Variants in SPAG16 observed in about 807,000 individuals in gnomAD.
SPAG16 encodes sperm associated antigen 16.
Under a neutral mutation model 80.4 loss-of-function variants are expected in SPAG16, and 86 were observed. The observed-to-expected ratio is 1.07, with a 90% confidence interval of 0.90 to 1.28. The LOEUF (loss-of-function observed/expected upper bound fraction) is 1.28. SPAG16 is among the 50% of genes most tolerant of loss of function. SPAG16 has a pLI of 0.00. For synonymous variants in SPAG16, 294 were observed against 265.9 expected, an observed-to-expected ratio of 1.11 and a Z score of -1.03; for missense variants, 870 against 765.3, an observed-to-expected ratio of 1.14 and a Z score of -1.61.
At chr2:213,739,774 G>C (rs143175004) in intron 10 of SPAG16, among the ~76,000 whole-genome samples, 3,677 of 152,082 alleles carry the variant, frequency 0.024, 150 homozygotes, top group African/African-American at 0.083. Context: ...GCTAATTTTT[G>C]TGTTTTTAGT....
chr2:214,048,472 A>G (rs544678446), intron 13 of SPAG16, among the ~76,000 whole-genome samples: 1 of 152,254 alleles, frequency 6.6e-6, no homozygotes, highest in South Asian at 2.1e-4. Context: ...GACAAACTGC[A>G]TGTTCTCACT....
At chr2:213,920,388 A>T (rs922429119) in intron 11 of SPAG16, among the ~76,000 whole-genome samples, 3 of 152,162 alleles carry the variant, frequency 2.0e-5, no homozygotes, top group Admixed American at 1.3e-4. Flanking sequence ...TGGTCTGTAT[A>T]CTGGCAGGTT....
chr2:213,707,165 A>G (rs1391361454), intron 10 of SPAG16, among the ~76,000 whole-genome samples: 1 of 152,240 alleles, frequency 6.6e-6, no homozygotes, highest in East Asian at 1.9e-4. Context: ...TTGAAGGCTT[A>G]ATATCACAGT....
At chr2:214,361,866 A>G (rs933669475) in intron 15 of SPAG16, among the ~76,000 whole-genome samples, 1 of 151,908 alleles carries the variant, frequency 6.6e-6, no homozygotes, top group Non-Finnish European at 1.5e-5. Context: ...ATATTTCACA[A>G]AGAGATAATT....
At chr2:213,660,492 C>T (rs1268587198) in intron 10 of SPAG16, among the ~76,000 whole-genome samples, 1 of 152,046 alleles carries the variant, frequency 6.6e-6, no homozygotes, top group East Asian at 1.9e-4. Context: ...GCATGTCTGA[C>T]ATAATGTAAA....
At chr2:213,848,532 G>A (rs143972867) in intron 10 of SPAG16, among the ~76,000 whole-genome samples, 14 of 152,216 alleles carry the variant, frequency 9.2e-5, no homozygotes, top group African/African-American at 1.7e-4. Context: ...TGAATTGGCC[G>A]CCCAATCCTT....
At chr2:213,704,200 G>C (rs2065636672) in intron 10 of SPAG16, among the ~76,000 whole-genome samples, 1 of 152,120 alleles carries the variant, frequency 6.6e-6, no homozygotes. Flanking sequence ...ATTCTGTCAG[G>C]ATTTTGAAAT....
At chr2:213,759,032 A>T (rs1471726599) in intron 10 of SPAG16, among the ~76,000 whole-genome samples, 1 of 152,200 alleles carries the variant, frequency 6.6e-6, no homozygotes, top group Non-Finnish European at 1.5e-5. Context: ...AAAGAAAAAC[A>T]AAAACAGAAA....
chr2:214,233,123 A>C (rs1688813390), intron 15 of SPAG16, among the ~76,000 whole-genome samples: 1 of 151,976 alleles, frequency 6.6e-6, no homozygotes, highest in Admixed American at 6.6e-5. Flanking sequence ...ACAGCAAGTC[A>C]AAAAAAGGGG....
intron 10 of SPAG16, among the ~76,000 whole-genome samples, chr2:213,756,547 G>A (rs2068345149): frequency 6.6e-6 from 1 of 152,160 alleles, no homozygotes; most frequent in Non-Finnish European, 1.5e-5. Context: ...CATCTTTGGT[G>A]TACCATAGGT....
At chr2:213,293,146 G>A (rs2062363794) in intron 1 of SPAG16, among the ~76,000 whole-genome samples, 1 of 152,134 alleles carries the variant, frequency 6.6e-6, no homozygotes, top group South Asian at 2.1e-4. Context: ...TAAGTGTCTG[G>A]CATTTCCACT....
At chr2:214,084,628 C>T (rs1364033316) in intron 13 of SPAG16, among the ~76,000 whole-genome samples, 1 of 152,096 alleles carries the variant, frequency 6.6e-6, no homozygotes, top group Non-Finnish European at 1.5e-5. Context: ...GTCACTGCCC[C>T]AACTTTATAT....
intron 10 of SPAG16, among the ~76,000 whole-genome samples, chr2:213,502,171 G>C (rs1352569819): frequency 6.6e-6 from 1 of 152,158 alleles, no homozygotes; most frequent in Non-Finnish European, 1.5e-5. Context: ...TGTCACTCAG[G>C]CTGGAGAGCA....
At chr2:213,687,469 C>T (rs1331136418) in intron 10 of SPAG16, among the ~76,000 whole-genome samples, 4 of 152,058 alleles carry the variant, frequency 2.6e-5, no homozygotes, top group African/African-American at 9.7e-5. Flanking sequence ...AAAATTGGTT[C>T]ATTTTCTTTG....
rs61608932 is a variant in SPAG16 at position 213,643,348 on chromosome 2, TTATATA to T, written c.1070+153316_1070+153321del. Among the ~76,000 whole-genome samples, 210 of 38,930 alleles carry T rather than the reference TTATATA, an allele frequency of 5.4e-3. 1 individual carries two copies. The highest frequency in any genetic ancestry group is 6.9e-3 in the Non-Finnish European group (147 of 21,170). The allele number at this position is 38,930 out of a possible 152,430, so 25.5% of individuals were successfully genotyped here. A position where few individuals can be genotyped will look rare whatever the true frequency, so the allele number is the denominator to read the frequency against. ...CTGCCAGATGTATTGGATCTTAATTTTATATATATATATATATATATATATATATAT... is the reference window on the plus strand; with the variant it reads ...CTGCCAGATGTATTGGATCTTAATTTTATATATATATATATATATATATAT... On this transcript the variant is annotated intron_variant, in intron 10 of 15. Coordinates refer to ENST00000331683, the MANE Select transcript of SPAG16 (RefSeq NM_024532.5).
chr2:213,394,842 C>T (rs1302628996), intron 9 of SPAG16, among the ~76,000 whole-genome samples: 1 of 152,018 alleles, frequency 6.6e-6, no homozygotes, highest in African/African-American at 2.4e-5. Flanking sequence ...ACCAGTGAAA[C>T]CATATGGACT....
intron 10 of SPAG16, among the ~76,000 whole-genome samples, chr2:213,855,653 A>G (rs2075121411): frequency 6.6e-6 from 1 of 152,126 alleles, no homozygotes; most frequent in South Asian, 2.1e-4. Context: ...GACCGCAGGA[A>G]ATTCACAATC....
chr2:214,270,456 C>T (rs1407378620), intron 15 of SPAG16, among the ~76,000 whole-genome samples: 1 of 151,924 alleles, frequency 6.6e-6, no homozygotes, highest in Non-Finnish European at 1.5e-5. Context: ...TTCGGGATAC[C>T]AATTTGAGTG....
At chr2:213,931,254 G>A (rs990547702) in intron 12 of SPAG16, among the ~76,000 whole-genome samples, 3 of 152,110 alleles carry the variant, frequency 2.0e-5, no homozygotes, top group African/African-American at 7.2e-5. Context: ...ACCCACCTGA[G>A]TTATAAAGCT....
Sources: allele counts gnomAD v4.1 joint callset (sites outside exome capture counted in the v4.1 genomes callset), GRCh38; gene constraint gnomAD v4.1.1; transcripts MANE v1.5; gene names NCBI Gene and HGNC (gene_info 2026-07-23, HGNC 2026-07-21).